The following OSBPL3 variants were observed in gnomAD, a reference collection of about 807,000 sequenced individuals.
The protein encoded by OSBPL3 is oxysterol binding protein like 3, also known as oxysterol-binding protein-related protein 3.
In OSBPL3, 65 loss-of-function variants were observed where a neutral mutation model predicts 120.1. The ratio of observed to expected loss-of-function variants is 0.54; its 90% CI spans 0.44 to 0.67. The LOEUF is 0.67. Ranked by LOEUF, OSBPL3 falls within the 30% of genes least tolerant of loss-of-function variation. The pLI is 0.00. For missense variants in OSBPL3, 1,004 were observed against 1,082.1 expected (o/e 0.93, Z 1.01); for synonymous variants, 416 against 402.6 (o/e 1.03, Z -0.40).
At chr7:24,941,201 G>T (rs1375835594) in intron 1 of OSBPL3, among the ~76,000 whole-genome samples, 1 of 152,122 alleles carries the variant, frequency 6.6e-6, no homozygotes, top group African/African-American at 2.4e-5. Flanking sequence ...TATAAGAAAT[G>T]TTGCCCTGAA....
At chr7:24,876,312 T>C (rs1340808513) in intron 2 of OSBPL3, among the ~76,000 whole-genome samples, 1 of 152,206 alleles carries the variant, frequency 6.6e-6, no homozygotes, top group Non-Finnish European at 1.5e-5. Flanking sequence ...TTCTACCTCC[T>C]TCCATGAAAT....
chr7:24,882,780 G>C (rs1156396759), intron 2 of OSBPL3, among the ~76,000 whole-genome samples: 1 of 151,378 alleles, frequency 6.6e-6, no homozygotes, highest in African/African-American at 2.5e-5. Context: ...ACTTATATAA[G>C]ATGATATCTC....
chr7:24,861,808 C>A, intron 9 of OSBPL3, 39 bp from the exon 10 acceptor site: 2 of 1,419,688 alleles, frequency 1.4e-6, no homozygotes, highest in Non-Finnish European at 1.9e-6. Flanking sequence ...TTTTCAGATG[C>A]AGATTGCTTA....
In OSBPL3 at chr7:24,862,121, T is replaced by C. The variant is rs1471070893; in HGVS notation, c.871-352A>G. 2.0e-5 allele frequency among the ~76,000 whole-genome samples: 3 copies of C among 152,212 alleles called. No homozygotes were observed. The East Asian group carries it at 5.8e-4, about 29-fold the overall frequency. ...CAGGATGGTCTCGATCTCCTGACCT[T>C]GTGTTCTGCCCGCCTCAGCCTTCCA... On this transcript the variant is annotated intron_variant, in intron 9 of 22. Coordinates refer to ENST00000313367, the MANE Select transcript of OSBPL3 (RefSeq NM_015550.4). This position sits in a 1 kb window ranked among gnomAD's most constrained non-coding sequence, Gnocchi z 4.4.
chr7:24,804,335 C>A lies in OSBPL3; in HGVS notation c.2547G>T (p.Glu849Asp), dbSNP rs144146627. 5 of 1,614,054 alleles carry A rather than the reference C, an allele frequency of 3.1e-6. No individual in the cohort carries two copies. Among genetic ancestry groups the A allele is most frequent in the Non-Finnish European group, 4.2e-6 (5 of 1,180,042 alleles). Residue 849 changes from glutamate (E) to aspartate (D), a missense_variant, in exon 22 of 23, where the codon GAG becomes GAT. This residue lies in a region of OSBPL3 where 473 missense variants were observed against 568.0 expected (regional missense o/e 0.83). Transcript: ENST00000313367. This position sits in a 1 kb window ranked among gnomAD's most constrained non-coding sequence, Gnocchi z 5.4. ...CGAACCTGAAAAACCGAGGCTGGTG[C>A]TCCACATGATTTTCTTCTAAGACCC... ...RRRVLEENHV[E>D]HQPRFFRKSD...
In OSBPL3 at chr7:24,835,237, T is replaced by C. The variant is rs575376363; in HGVS notation, c.1496-501A>G. ...CTCCATTTGTGTTGTTCATACTGTA[T>C]ACGTATTTTATATTCTGCTTGTTCA... On this transcript the variant is annotated intron_variant, in intron 14 of 22. Coordinates refer to ENST00000313367, the MANE Select transcript of OSBPL3 (RefSeq NM_015550.4). The surrounding 1 kb of genome is among the most constrained non-coding windows in gnomAD (Gnocchi z 4.8). Among the ~76,000 whole-genome samples the C allele has an allele frequency of 2.0e-5, 3 of 152,264 alleles. No homozygotes were observed. The highest frequency in any genetic ancestry group is 2.1e-4 in the South Asian group (1 of 4,824).
chr7:24,919,304 C>G (rs1810094348), intron 1 of OSBPL3, among the ~76,000 whole-genome samples: 1 of 152,090 alleles, frequency 6.6e-6, no homozygotes, highest in Admixed American at 6.6e-5. Flanking sequence ...AGCATAAAGA[C>G]AGACATACAG....
At chr7:24,973,304 T>C (rs1259559448) in intron 1 of OSBPL3, among the ~76,000 whole-genome samples, 2 of 152,202 alleles carry the variant, frequency 1.3e-5, no homozygotes, top group South Asian at 2.1e-4. Context: ...ATAATTTTCA[T>C]CTAAAGAAAC....
chr7:24,828,246 G>A (rs866021389), intron 16 of OSBPL3, among the ~76,000 whole-genome samples: 4 of 152,016 alleles, frequency 2.6e-5, no homozygotes, highest in East Asian at 1.9e-4. Flanking sequence ...GGCTTGTCTC[G>A]AACTCCTGAC....
rs1794924294 is a variant in OSBPL3, at chr7:24,820,001, C to A, written c.1948+174G>T. Among the ~76,000 whole-genome samples, 2 of 152,186 alleles carry A rather than the reference C, an allele frequency of 1.3e-5. No homozygotes were observed. The highest frequency in any genetic ancestry group is 6.5e-5 in the Admixed American group (1 of 15,276). On this transcript the variant is annotated intron_variant, in intron 17 of 22. Transcript: ENST00000313367. This position sits in a 1 kb window ranked among gnomAD's most constrained non-coding sequence, Gnocchi z 4.6. ...GTTACAGAAATAAATGGAGGTGGCT[C>A]AGATAAACTAAGTGAGAGATGAGAG...
intron 13 of OSBPL3, among the ~76,000 whole-genome samples, chr7:24,841,105 G>C (rs1383767041): frequency 6.6e-6 from 1 of 152,060 alleles, no homozygotes; most frequent in Non-Finnish European, 1.5e-5. Flanking sequence ...GTTACAATTT[G>C]TCTTTGAGCT....
At chr7:24,845,746 A>C (rs548547839) in intron 12 of OSBPL3, among the ~76,000 whole-genome samples, 1 of 150,734 alleles carries the variant, frequency 6.6e-6, no homozygotes, top group South Asian at 2.1e-4. Flanking sequence ...CTACTCTAGC[A>C]GTTTGATAAA....
At chr7:24,829,113 T>A (rs965386250) in intron 16 of OSBPL3, among the ~76,000 whole-genome samples, 1 of 151,802 alleles carries the variant, frequency 6.6e-6, no homozygotes, top group Non-Finnish European at 1.5e-5. Flanking sequence ...TACTATTCTT[T>A]TCTTATAGCT....
Position 24,933,961 on chromosome 7 carries a change from A to G in OSBPL3, c.-149-41340T>C, listed in dbSNP as rs1477570786. On this transcript the variant is annotated intron_variant, in intron 1 of 22. Coordinates refer to ENST00000313367, the MANE Select transcript of OSBPL3 (RefSeq NM_015550.4). This position sits in a 1 kb window ranked among gnomAD's most constrained non-coding sequence, Gnocchi z 5.1. The stretch of plus-strand genomic sequence containing the variant: ...TAAATACCTTTATAGATGACATTAG[A>G]AAAGCAAAGTTTAAGAATGCAGATA... 6.6e-6 allele frequency among the ~76,000 whole-genome samples: 1 copy of G among 152,224 alleles called. No homozygotes were observed. Among genetic ancestry groups the G allele is most frequent in the Non-Finnish European group, 1.5e-5 (1 of 68,026 alleles).
intron 14 of OSBPL3, 22 bp downstream of exon 14, chr7:24,840,668 G>C: frequency 9.3e-7 from 1 of 1,078,186 alleles, no homozygotes; most frequent in Non-Finnish European, 1.4e-6. Flanking sequence ...ACTTTTCAGA[G>C]ATTAAATAAT....
In OSBPL3 at chr7:24,883,845, A is replaced by G. The variant is rs1237296480; in HGVS notation, c.96+8532T>C. 6.6e-6 allele frequency among the ~76,000 whole-genome samples: 1 copy of G among 152,130 alleles called. No homozygotes were observed. The highest frequency in any genetic ancestry group is 6.5e-5 in the Admixed American group (1 of 15,272). ...ATACTTTAACCTCTTCTGATATCAA[A>G]TGTTTGTTTGTGTCTTATAAGACTT... On this transcript the variant is annotated intron_variant, in intron 2 of 22. Transcript: ENST00000313367. This position sits in a 1 kb window ranked among gnomAD's most constrained non-coding sequence, Gnocchi z 5.4.
intron 2 of OSBPL3, among the ~76,000 whole-genome samples, chr7:24,889,404 T>C (rs1042527839): frequency 6.6e-6 from 1 of 152,216 alleles, no homozygotes; most frequent in South Asian, 2.1e-4. Flanking sequence ...TACTGCATTA[T>C]TCACTTGAAA....
chr7:24,809,683 C>T, intron 20 of OSBPL3, 124 bp downstream of exon 20: 1 of 845,782 alleles, frequency 1.2e-6, no homozygotes, highest in Non-Finnish European at 1.8e-6. Flanking sequence ...CACCTCTAAC[C>T]TAGTTCAAAG....
At position 24,900,929 on chromosome 7, in the gene OSBPL3, G is replaced by A. The variant is rs548889851; in HGVS notation, c.-149-8308C>T. Among the ~76,000 whole-genome samples, 1 of 152,150 alleles carries A rather than the reference G, an allele frequency of 6.6e-6. No individual in the cohort carries two copies. Among genetic ancestry groups the A allele is most frequent in the Admixed American group, 6.5e-5 (1 of 15,278 alleles). On this transcript the variant is annotated intron_variant, in intron 1 of 22. Coordinates refer to ENST00000313367, the MANE Select transcript of OSBPL3 (RefSeq NM_015550.4). This position sits in a 1 kb window ranked among gnomAD's most constrained non-coding sequence, Gnocchi z 4.5. ...TCAGCTACTGGGGAGGCTGAAGTGG[G>A]AGGATGACTTGAGTCTGGGAGGCGG...
Sources: allele counts gnomAD v4.1 joint callset (sites outside exome capture counted in the v4.1 genomes callset), GRCh38; gene constraint gnomAD v4.1.1; regional missense constraint gnomAD v4.1.1; non-coding constraint Gnocchi (gnomAD v3.1); transcripts MANE v1.5; gene names NCBI Gene and HGNC (gene_info 2026-07-23, HGNC 2026-07-21).